Variants in DPP10 observed in about 807,000 individuals in gnomAD.
The protein encoded by DPP10 is dipeptidyl peptidase like 10.
In DPP10, 33 loss-of-function variants were observed where a neutral mutation model predicts 120.9. The observed-to-expected ratio is 0.27, with a 90% CI of 0.21 to 0.37. The LOEUF (loss-of-function observed/expected upper bound fraction) is 0.37. DPP10 is among the 10% of genes least tolerant of loss of function. DPP10 has a pLI of 1.00. For synonymous variants in DPP10, 337 were observed against 326.1 expected (o/e 1.03, Z -0.36); for missense variants, 816 against 942.8 (o/e 0.87, Z 1.76).
At chr2:115,342,149 A>T (rs843403) in intron 2 of DPP10, 404,054 of 454,448 alleles carry the variant, frequency 0.89, 180,191 homozygotes, top group African/African-American at 0.97. Flanking sequence ...CAAACTCATT[A>T]AGCACTCTCT....
At chr2:115,585,449 T>C (rs2082229577) in intron 5 of DPP10, among the ~76,000 whole-genome samples, 1 of 152,234 alleles carries the variant, frequency 6.6e-6, no homozygotes, top group Admixed American at 6.5e-5. Flanking sequence ...TATTTGTTGT[T>C]GCTAATTGCA....
At chr2:115,111,240 C>CA (rs1553490638) in intron 1 of DPP10, among the ~76,000 whole-genome samples, 1 of 142,584 alleles carries the variant, frequency 7.0e-6, no homozygotes, top group Non-Finnish European at 1.5e-5. Flanking sequence ...GGTGTTTTTG[C>CA]TTTTTTTTTT....
intron 3 of DPP10, among the ~76,000 whole-genome samples, chr2:115,460,876 A>G (rs538883100): frequency 6.6e-6 from 1 of 152,172 alleles, no homozygotes; most frequent in Non-Finnish European, 1.5e-5. Flanking sequence ...GGCAAAGTCT[A>G]TTTTGTATAT....
intron 1 of DPP10, among the ~76,000 whole-genome samples, chr2:114,542,928 C>T (rs952759556): frequency 1.3e-5 from 2 of 152,144 alleles, no homozygotes; most frequent in African/African-American, 4.8e-5. Flanking sequence ...CCCAATCATG[C>T]CTGAAACCTT....
intron 1 of DPP10, among the ~76,000 whole-genome samples, chr2:114,796,813 T>C (rs6726425): frequency 0.54 from 81,497 of 152,002 alleles, 22,336 homozygotes; most frequent in East Asian, 0.78. Flanking sequence ...TTCAACCAAT[T>C]TGACTTTAGG....
chr2:115,682,016 A>T (rs1222017490), intron 5 of DPP10, among the ~76,000 whole-genome samples: 1 of 151,838 alleles, frequency 6.6e-6, no homozygotes, highest in East Asian at 1.9e-4. Flanking sequence ...AATAATTTTC[A>T]TCCTTACAAT....
chr2:115,021,005 A>G (rs1002665029), intron 1 of DPP10, among the ~76,000 whole-genome samples: 11 of 152,042 alleles, frequency 7.2e-5, no homozygotes, highest in Non-Finnish European at 1.5e-4. Flanking sequence ...AAACCTCTAG[A>G]ATACAGCAAA....
chr2:114,526,185 A>G (rs1156962030), intron 1 of DPP10, among the ~76,000 whole-genome samples: 1 of 152,208 alleles, frequency 6.6e-6, no homozygotes, highest in African/African-American at 2.4e-5. Flanking sequence ...CCAAGGGGAC[A>G]GCTGACCTAA....
chr2:115,423,529 A>T (rs1574800506), intron 3 of DPP10, among the ~76,000 whole-genome samples: 1 of 152,240 alleles, frequency 6.6e-6, no homozygotes, highest in Non-Finnish European at 1.5e-5. Context: ...TGTCTGTGGA[A>T]AATTTCTGCT....
chr2:115,206,874 C>T (rs1363091609), intron 1 of DPP10, among the ~76,000 whole-genome samples: 1 of 152,226 alleles, frequency 6.6e-6, no homozygotes, highest in Non-Finnish European at 1.5e-5. Context: ...TATGATGTAA[C>T]TTCAGCCATG....
At chr2:115,173,243 C>A (rs10445848) in intron 1 of DPP10, among the ~76,000 whole-genome samples, 9,765 of 152,150 alleles carry the variant, frequency 0.064, 439 homozygotes, top group Middle Eastern at 0.12. Flanking sequence ...ACAGATGGTG[C>A]AAATATTTGA....
chr2:115,234,056 A>G, intron 1 of DPP10: 1 of 446,692 alleles, frequency 2.2e-6, no homozygotes, highest in Non-Finnish European at 4.4e-6. Context: ...ACATTTTAAT[A>G]AGCAATAGAA....
chr2:114,724,539 C>G (rs537018178), intron 1 of DPP10, among the ~76,000 whole-genome samples: 1 of 152,078 alleles, frequency 6.6e-6, no homozygotes, highest in African/African-American at 2.4e-5. Flanking sequence ...CATACTCAGC[C>G]GGTTTGGGGG....
chr2:115,359,895 T>C (rs2106346035), intron 3 of DPP10, among the ~76,000 whole-genome samples: 1 of 152,310 alleles, frequency 6.6e-6, no homozygotes, highest in East Asian at 1.9e-4. Flanking sequence ...CAGCATTGTC[T>C]ATTCTATTTT....
At chr2:114,944,259 C>A (rs540838365) in intron 1 of DPP10, among the ~76,000 whole-genome samples, 15 of 152,104 alleles carry the variant, frequency 9.9e-5, no homozygotes, top group Non-Finnish European at 4.4e-5. Flanking sequence ...AGACCCTACA[C>A]TATTAATAAT....
At chr2:114,871,983 T>C (rs1269105233) in intron 1 of DPP10, among the ~76,000 whole-genome samples, 2 of 152,172 alleles carry the variant, frequency 1.3e-5, no homozygotes, top group Non-Finnish European at 2.9e-5. Flanking sequence ...TGCCTGATGA[T>C]CTGAGGTAGA....
intron 1 of DPP10, among the ~76,000 whole-genome samples, chr2:114,513,020 G>A (rs993500072): frequency 1.7e-4 from 26 of 152,320 alleles, no homozygotes; most frequent in African/African-American, 6.0e-4. Flanking sequence ...AGAAAAGGAG[G>A]AAGGGGGAGG....
In DPP10 at chr2:114,945,972, T is replaced by C. The variant is rs553322661; in HGVS notation, c.61-363267T>C. The stretch of plus-strand genomic sequence containing the variant: ...AGTCCAAACATGAGAAAATATCAGG[T>C]AAATCCCAGATGATGACATTCTACA... On this transcript the variant is annotated intron_variant, in intron 1 of 25. Transcript: ENST00000410059. 2.0e-5 allele frequency among the ~76,000 whole-genome samples: 3 copies of C among 152,180 alleles called. No individual in the cohort carries two copies. In the South Asian group the frequency reaches 6.2e-4, roughly 32 times the overall value.
intron 3 of DPP10, among the ~76,000 whole-genome samples, chr2:115,420,568 T>C (rs1311133806): frequency 1.3e-5 from 2 of 152,184 alleles, no homozygotes; most frequent in African/African-American, 4.8e-5. Context: ...TCGGGCACAA[T>C]GAGTGATCCT....
Sources: allele counts gnomAD v4.1 joint callset (sites outside exome capture counted in the v4.1 genomes callset), GRCh38; gene constraint gnomAD v4.1.1; transcripts MANE v1.5; gene names NCBI Gene and HGNC (gene_info 2026-07-23, HGNC 2026-07-21).